The following FGD6 variants were observed in gnomAD, a reference collection of about 807,000 sequenced individuals.
FGD6 encodes the protein FYVE, RhoGEF and PH domain containing 6, also known as FYVE, RhoGEF and PH domain-containing protein 6.
FGD6 carries 90 observed loss-of-function variants against 149.4 expected under a neutral mutation model. The observed-to-expected ratio is 0.60, with a 90% CI of 0.51 to 0.72. The LOEUF (loss-of-function observed/expected upper bound fraction) is 0.72, where lower values mean the gene tolerates loss of function less well. Ranked by LOEUF, FGD6 falls within the 30% of genes least tolerant of loss-of-function variation. The pLI is 0.00. For missense variants in FGD6, 1,437 were observed against 1,684.8 expected, an observed-to-expected ratio of 0.85 and a Z score of 2.57; for synonymous variants, 527 against 584.0, an observed-to-expected ratio of 0.90 and a Z score of 1.41.
intron 2 of FGD6, 38 bp downstream of exon 2, chr12:95,208,805 A>C (rs1208673419): frequency 1.3e-6 from 2 of 1,574,818 alleles, no homozygotes; most frequent in Non-Finnish European, 1.7e-6. Flanking sequence ...GGTTAATTGC[A>C]ATGATGCATG....
intron 3 of FGD6, among the ~76,000 whole-genome samples, chr12:95,162,986 C>T (rs1441997626): frequency 6.6e-6 from 1 of 152,214 alleles, no homozygotes; most frequent in Non-Finnish European, 1.5e-5. Flanking sequence ...GTTTACCCCA[C>T]TGCAACCCCT....
In FGD6 at chr12:95,153,055, T is replaced by C. The variant is rs1880356788; in HGVS notation, c.2587-62A>G. ...AGAATAATGAAGATCAGCTATGAGC[T>C]AGTCAGACACGAATTTTAACTCTGA... On this transcript the variant is annotated intron_variant, in intron 3 of 20. Transcript: ENST00000343958. 60 of 1,453,762 alleles carry C rather than the reference T, an allele frequency of 4.1e-5. 1 individual carries two copies. In the South Asian group the frequency reaches 6.5e-4, roughly 16 times the overall value. 90.1% of individuals were successfully genotyped at this position (1,453,762 alleles called of 1,614,324 possible). A position where few individuals can be genotyped will look rare whatever the true frequency, so the allele number is the denominator to read the frequency against.
At chr12:95,201,210 C>T (rs542813087) in intron 2 of FGD6, among the ~76,000 whole-genome samples, 22 of 152,214 alleles carry the variant, frequency 1.4e-4, no homozygotes, top group Non-Finnish European at 2.4e-4. Flanking sequence ...TAAAGACACA[C>T]GCCCAGATCT....
intron 5 of FGD6, among the ~76,000 whole-genome samples, chr12:95,150,282 C>A (rs1400233356): frequency 6.6e-6 from 1 of 152,132 alleles, no homozygotes; most frequent in African/African-American, 2.4e-5. Flanking sequence ...CTGCCCTGGC[C>A]TCCCAAGGTG....
At chr12:95,123,640 C>T (rs1381082974) in intron 8 of FGD6, among the ~76,000 whole-genome samples, 1 of 151,778 alleles carries the variant, frequency 6.6e-6, no homozygotes, top group Non-Finnish European at 1.5e-5. Context: ...CTGCTTACTG[C>T]AAGCTCCGCC....
intron 8 of FGD6, among the ~76,000 whole-genome samples, chr12:95,117,455 C>A (rs554333483): frequency 6.1e-4 from 92 of 151,884 alleles, no homozygotes; most frequent in Middle Eastern, 6.8e-3. Context: ...GAGGGTCTCG[C>A]TCTGTTGCCT....
rs1393087121 is a variant in FGD6, at chr12:95,137,630, A to G, written c.2886T>C (p.Tyr962=). 6.2e-7 allele frequency: 1 copy of G among 1,611,898 alleles called. No homozygotes were observed. The highest frequency in any genetic ancestry group is 1.3e-5 in the African/African-American group (1 of 74,980). The change falls in exon 7 of 21, where the codon TAT becomes TAC. Residue 962 remains tyrosine (Y), a synonymous_variant. Coordinates refer to ENST00000343958, the MANE Select transcript of FGD6 (RefSeq NM_018351.4). ...IADIFVKKGP[Y]LKMYSTYIKE... is the part of the protein sequence containing the mutation. The stretch of plus-strand genomic sequence containing the variant: ...TGATGTATGTGGAATACATTTTTAG[A>G]TATGGTCCCTTCTTTACAAAGATAT...
At chr12:95,212,258 A>G (rs946316631) in intron 1 of FGD6, among the ~76,000 whole-genome samples, 5 of 152,206 alleles carry the variant, frequency 3.3e-5, no homozygotes, top group African/African-American at 2.4e-5. Context: ...GGACATCTGT[A>G]CATCTTTTAA....
chr12:95,152,889 G>A, intron 4 of FGD6, 37 bp downstream of exon 4: 2 of 1,613,438 alleles, frequency 1.2e-6, no homozygotes, highest in Middle Eastern at 3.3e-4. Flanking sequence ...GCCAATGGGG[G>A]GAAAACAGTC....
intron 3 of FGD6, among the ~76,000 whole-genome samples, chr12:95,170,569 G>C (rs1880963164): frequency 6.6e-6 from 1 of 151,966 alleles, no homozygotes; most frequent in South Asian, 2.1e-4. Context: ...TTGAACCCGG[G>C]AGGCAGAGGT....
intron 2 of FGD6, among the ~76,000 whole-genome samples, chr12:95,175,905 A>C (rs1881122503): frequency 6.6e-6 from 1 of 152,102 alleles, no homozygotes; most frequent in East Asian, 1.9e-4. Flanking sequence ...GTCAAGTCCA[A>C]GTCACAAGCA....
At chr12:95,109,397 G>A (rs894685508) in intron 9 of FGD6, among the ~76,000 whole-genome samples, 13 of 152,136 alleles carry the variant, frequency 8.5e-5, no homozygotes, top group Non-Finnish European at 1.9e-4. Context: ...GTGGGTAGGA[G>A]GCAGGGATGC....
intron 8 of FGD6, among the ~76,000 whole-genome samples, chr12:95,123,221 C>A (rs567365820): frequency 6.6e-6 from 1 of 152,058 alleles, no homozygotes; most frequent in Non-Finnish European, 1.5e-5. Context: ...CATGGTGAAA[C>A]CCTGTCTCTA....
intron 5 of FGD6, among the ~76,000 whole-genome samples, chr12:95,142,142 AT>A (rs542164287): frequency 0.24 from 31,875 of 132,466 alleles, 4,053 homozygotes; most frequent in Non-Finnish European, 0.27. Flanking sequence ...TCACTTTTGT[AT>A]TTTTTTTTTT....
At chr12:95,204,039 C>T (rs1405379864) in intron 2 of FGD6, among the ~76,000 whole-genome samples, 1 of 152,152 alleles carries the variant, frequency 6.6e-6, no homozygotes, top group African/African-American at 2.4e-5. Flanking sequence ...AGATCCTTTG[C>T]CTGCTGGCTA....
chr12:95,132,162 TTG>T (rs1469356927), intron 8 of FGD6, among the ~76,000 whole-genome samples: 20 of 152,312 alleles, frequency 1.3e-4, no homozygotes, highest in East Asian at 1.9e-4. Flanking sequence ...TCTTCTTCTT[TTG>T]TTTAAGAGAC....
chr12:95,159,230 G>A (rs1338293400), intron 3 of FGD6, among the ~76,000 whole-genome samples: 1 of 152,048 alleles, frequency 6.6e-6, no homozygotes, highest in Non-Finnish European at 1.5e-5. Flanking sequence ...TCAGGACCTT[G>A]CTCTGCCAGG....
chr12:95,192,832 A>G (rs150868582), intron 2 of FGD6, among the ~76,000 whole-genome samples: 188 of 152,310 alleles, frequency 1.2e-3, no homozygotes, highest in Non-Finnish European at 2.0e-3. Flanking sequence ...TTTTTTAGGT[A>G]GTGGAACAAA....
intron 5 of FGD6, among the ~76,000 whole-genome samples, chr12:95,151,474 G>T (rs1168559561): frequency 6.6e-6 from 1 of 152,040 alleles, no homozygotes; most frequent in Non-Finnish European, 1.5e-5. Context: ...AGCCATGTTG[G>T]CCAGGCTGGT....
Sources: allele counts gnomAD v4.1 joint callset (sites outside exome capture counted in the v4.1 genomes callset), GRCh38; gene constraint gnomAD v4.1.1; transcripts MANE v1.5; gene names NCBI Gene and HGNC (gene_info 2026-07-23, HGNC 2026-07-21).